The following SPOCK1 variants were observed in gnomAD, a reference collection of about 807,000 sequenced individuals.
SPOCK1 encodes SPARC (osteonectin), cwcv and kazal like domains proteoglycan 1, also known as testican-1.
A neutral mutation model predicts 55.3 loss-of-function variants in SPOCK1; 23 were observed. That is an observed-to-expected ratio of 0.42 (90% CI 0.30 to 0.59). The LOEUF is 0.59. SPOCK1 is among the 20% of genes least tolerant of loss of function. The pLI, the probability that SPOCK1 is intolerant of heterozygous loss-of-function variation, is 0.22. For missense variants in SPOCK1, 499 were observed against 552.5 expected, an observed-to-expected ratio of 0.90 and a Z score of 0.97; for synonymous variants, 226 against 221.0, an observed-to-expected ratio of 1.02 and a Z score of -0.20.
intron 2 of SPOCK1, among the ~76,000 whole-genome samples, chr5:137,394,018 A>G (rs1266912795): frequency 6.6e-6 from 1 of 152,188 alleles, no homozygotes; most frequent in East Asian, 1.9e-4. Flanking sequence ...TAATAAGAGT[A>G]AAGTAATAAA....
intron 2 of SPOCK1, among the ~76,000 whole-genome samples, chr5:137,307,926 A>G (rs1439887477): frequency 6.6e-6 from 1 of 152,218 alleles, no homozygotes; most frequent in Non-Finnish European, 1.5e-5. Flanking sequence ...GCACTAAACC[A>G]GGTATGCATT....
intron 2 of SPOCK1, among the ~76,000 whole-genome samples, chr5:137,374,765 C>T (rs1179644711): frequency 6.6e-6 from 1 of 152,172 alleles, no homozygotes; most frequent in Non-Finnish European, 1.5e-5. Context: ...TTCTAGAACC[C>T]TGCAATGTAA....
chr5:137,475,849 A>C (rs1029025713), intron 2 of SPOCK1, among the ~76,000 whole-genome samples: 1 of 152,174 alleles, frequency 6.6e-6, no homozygotes, highest in Admixed American at 6.5e-5. Flanking sequence ...TGCTGGGATT[A>C]TAGTATGAGC....
At chr5:137,030,439 A>T (rs1414170000) in intron 6 of SPOCK1, among the ~76,000 whole-genome samples, 3 of 152,260 alleles carry the variant, frequency 2.0e-5, no homozygotes, top group Admixed American at 6.5e-5. Flanking sequence ...AAGGACGCAA[A>T]TGGCAATTTA....
intron 2 of SPOCK1, among the ~76,000 whole-genome samples, chr5:137,368,039 C>G (rs1751114598): frequency 6.6e-6 from 1 of 152,350 alleles, no homozygotes; most frequent in East Asian, 1.9e-4. Context: ...TCACATGACC[C>G]TCTCTTCAAA....
At chr5:137,480,560 T>G (rs933843385) in intron 2 of SPOCK1, among the ~76,000 whole-genome samples, 6 of 152,044 alleles carry the variant, frequency 3.9e-5, no homozygotes, top group African/African-American at 1.2e-4. Flanking sequence ...CCAAGAGAAG[T>G]AAGTGGATTA....
At chr5:137,094,495 T>C (rs1361084033) in intron 5 of SPOCK1, among the ~76,000 whole-genome samples, 1 of 152,236 alleles carries the variant, frequency 6.6e-6, no homozygotes, top group Non-Finnish European at 1.5e-5. Flanking sequence ...GTTATGTTTA[T>C]ACTATAGTAT....
At position 137,293,173 on chromosome 5, in the gene SPOCK1, A is replaced by G. The variant is rs370681649; in HGVS notation, c.187-26118T>C. 9.5e-5 allele frequency among the ~76,000 whole-genome samples: 14 copies of G among 146,796 alleles called. No homozygotes were observed. The East Asian group carries it at 2.6e-3, about 27-fold the overall frequency. ...TGGGCTTATTTCTTTAAATAAATCT[A>G]ATAAACGAACACACAGCACCATTTA... On this transcript the variant is annotated intron_variant, in intron 2 of 10. Transcript: ENST00000394945.
intron 2 of SPOCK1, among the ~76,000 whole-genome samples, chr5:137,330,031 C>A (rs137870481): frequency 1.3e-4 from 20 of 152,272 alleles, no homozygotes; most frequent in Non-Finnish European, 2.6e-4. Context: ...GGGAAGCAGA[C>A]CTGAGACCTC....
chr5:137,441,456 T>C (rs571635072), intron 2 of SPOCK1, among the ~76,000 whole-genome samples: 10 of 152,340 alleles, frequency 6.6e-5, no homozygotes, highest in Non-Finnish European at 1.2e-4. Flanking sequence ...TATCAAATCA[T>C]ACTATTTAGT....
At chr5:137,291,781 G>A (rs725486) in intron 2 of SPOCK1, among the ~76,000 whole-genome samples, 1 of 152,094 alleles carries the variant, frequency 6.6e-6, no homozygotes, top group Non-Finnish European at 1.5e-5. Context: ...AACCATTTAC[G>A]TAAGGTCCAG....
rs1484449047 is a variant in SPOCK1, at chr5:137,160,547, ATAAT to A, written c.233-19857_233-19854del. On this transcript the variant is annotated intron_variant, in intron 3 of 10. Transcript: ENST00000394945. ...TAATATATAAAAATATATAATATATATAATATATATTATATATTATATATTATAT... is the reference window on the plus strand; with the variant it reads ...TAATATATAAAAATATATAATATATAATATATTATATATTATATATTATAT... Among the ~76,000 whole-genome samples the A allele has an allele frequency of 9.7e-4, 36 of 36,956 alleles. 1 individual carries two copies. The highest frequency in any genetic ancestry group is 0.031 in the Middle Eastern group (2 of 64). The allele number at this position is 36,956 out of a possible 152,430, so 24.2% of individuals were successfully genotyped here.
At chr5:137,171,764 C>G (rs1754758635) in intron 3 of SPOCK1, among the ~76,000 whole-genome samples, 1 of 152,192 alleles carries the variant, frequency 6.6e-6, no homozygotes, top group Non-Finnish European at 1.5e-5. Flanking sequence ...ACAGATCCCA[C>G]AACTAACAAT....
chr5:136,987,295 C>T (rs542313281), intron 8 of SPOCK1, among the ~76,000 whole-genome samples: 24 of 152,164 alleles, frequency 1.6e-4, no homozygotes, highest in Non-Finnish European at 2.9e-4. Context: ...AAAATATTTA[C>T]AATACCTATG....
chr5:137,413,422 G>A (rs990896374), intron 2 of SPOCK1, among the ~76,000 whole-genome samples: 9 of 152,126 alleles, frequency 5.9e-5, no homozygotes, highest in African/African-American at 2.2e-4. Flanking sequence ...ATTGGCTTTG[G>A]TATTAAACTG....
intron 2 of SPOCK1, among the ~76,000 whole-genome samples, chr5:137,331,149 T>A (rs1758171756): frequency 6.6e-6 from 1 of 152,190 alleles, no homozygotes; most frequent in Non-Finnish European, 1.5e-5. Context: ...CTACCCTGTC[T>A]AAGGCCAAGG....
chr5:137,460,579 G>A (rs576219566), intron 2 of SPOCK1, among the ~76,000 whole-genome samples: 1 of 152,290 alleles, frequency 6.6e-6, no homozygotes, highest in African/African-American at 2.4e-5. Context: ...AGACAGAGAG[G>A]ACAATGGTGA....
chr5:137,365,553 T>C (rs188152087), intron 2 of SPOCK1: 1 of 152,376 alleles, frequency 6.6e-6, no homozygotes, highest in Admixed American at 6.5e-5. Context: ...GGGTCTTGGT[T>C]AGTCAGCTAA....
intron 2 of SPOCK1, among the ~76,000 whole-genome samples, chr5:137,447,988 C>A (rs1204789151): frequency 1.3e-5 from 2 of 152,180 alleles, no homozygotes; most frequent in Admixed American, 6.5e-5. Flanking sequence ...TGGTTCATGC[C>A]TGTAATCCCA....
Sources: allele counts gnomAD v4.1 joint callset (sites outside exome capture counted in the v4.1 genomes callset), GRCh38; gene constraint gnomAD v4.1.1; transcripts MANE v1.5; gene names NCBI Gene and HGNC (gene_info 2026-07-23, HGNC 2026-07-21).